The following FTO variants were observed in gnomAD, a reference collection of about 807,000 sequenced individuals.
FTO encodes FTO alpha-ketoglutarate dependent dioxygenase.
FTO carries 47 observed loss-of-function variants against 63.9 expected under a neutral mutation model. The observed-to-expected ratio is 0.74, with a 90% confidence interval of 0.58 to 0.94. The LOEUF (loss-of-function observed/expected upper bound fraction) is 0.94. Among genes scored for constraint, FTO ranks in the 40% least tolerant of loss-of-function variants. The pLI is 0.00. For synonymous variants in FTO, 207 were observed against 224.4 expected, an observed-to-expected ratio of 0.92 and a Z score of 0.69; for missense variants, 562 against 618.1, an observed-to-expected ratio of 0.91 and a Z score of 0.96.
At chr16:54,063,687 C>T (rs1383451807) in intron 8 of FTO, 3 of 143,928 alleles carry the variant, frequency 2.1e-5, no homozygotes, top group African/African-American at 8.4e-5. Flanking sequence ...CCATTTAGAA[C>T]TCTTTTCTTT....
At chr16:54,059,291 C>T (rs1222006357) in intron 8 of FTO, among the ~76,000 whole-genome samples, 1 of 152,184 alleles carries the variant, frequency 6.6e-6, no homozygotes, top group Non-Finnish European at 1.5e-5. Context: ...AATATGAAAA[C>T]AGAGCAATTT....
intron 1 of FTO, among the ~76,000 whole-genome samples, chr16:53,742,364 C>T (rs1352698120): frequency 6.6e-6 from 1 of 152,086 alleles, no homozygotes; most frequent in Non-Finnish European, 1.5e-5. Flanking sequence ...TCTGGGAAGG[C>T]AAGTTTTTTT....
intron 1 of FTO, among the ~76,000 whole-genome samples, chr16:53,742,108 G>A (rs889321362): frequency 6.6e-6 from 1 of 152,142 alleles, no homozygotes; most frequent in Non-Finnish European, 1.5e-5. Flanking sequence ...AACTTCTGCG[G>A]TATTCTGTTT....
At chr16:53,844,600 C>T (rs573662694) in intron 4 of FTO, among the ~76,000 whole-genome samples, 1 of 152,180 alleles carries the variant, frequency 6.6e-6, no homozygotes, top group South Asian at 2.1e-4. Context: ...GCTGGGATTA[C>T]AGGCACACAC....
In FTO at chr16:54,053,212, AG is replaced by A. The variant is rs141886083; in HGVS notation, c.1365-58549del. 1.8e-3 allele frequency among the ~76,000 whole-genome samples: 271 copies of A among 152,360 alleles called. 1 individual carries two copies. Among genetic ancestry groups the A allele is most frequent in the African/African-American group, 6.3e-3 (262 of 41,584 alleles). On this transcript the variant is annotated intron_variant, in intron 8 of 8. Transcript: ENST00000471389. ...AAGAGTCAGAAGCTCCTCCAGGCTT[AG>A]CCAGCTTTCACCTTTGCTCATCATA...
chr16:54,082,999 T>C (rs1384279907), intron 8 of FTO, among the ~76,000 whole-genome samples: 2 of 152,214 alleles, frequency 1.3e-5, no homozygotes, highest in Non-Finnish European at 2.9e-5. Flanking sequence ...ATTGTGATTA[T>C]GTTACAGTGG....
intron 1 of FTO, among the ~76,000 whole-genome samples, chr16:53,728,406 C>T (rs1180252250): frequency 6.6e-6 from 1 of 152,136 alleles, no homozygotes; most frequent in Non-Finnish European, 1.5e-5. Flanking sequence ...AGGCTGCCTG[C>T]CTTCCTTTTT....
At chr16:54,022,233 C>T (rs2084619583) in intron 8 of FTO, among the ~76,000 whole-genome samples, 1 of 152,140 alleles carries the variant, frequency 6.6e-6, no homozygotes, top group Non-Finnish European at 1.5e-5. Context: ...ACAGCGTCTC[C>T]TAGGTGAGCG....
rs143058066 is a variant in FTO, at chr16:53,813,463, C to T, written c.123+3246C>T. On this transcript the variant is annotated intron_variant, in intron 2 of 8. Coordinates refer to ENST00000471389, the MANE Select transcript of FTO (RefSeq NM_001080432.3). The stretch of plus-strand genomic sequence containing the variant: ...CTGACCTCACATTATCCACCTGCCT[C>T]GGCCTCCCAAAGTGCTGGGATTAGA... Among the ~76,000 whole-genome samples, 92 of 152,226 alleles carry T rather than the reference C, an allele frequency of 6.0e-4. 1 individual carries two copies. In the East Asian group the frequency reaches 0.015, roughly 25 times the overall value.
chr16:54,013,468 C>A (rs2084372161), intron 8 of FTO: 1 of 151,526 alleles, frequency 6.6e-6, no homozygotes, highest in African/African-American at 2.4e-5. Flanking sequence ...GAAGCAGTAG[C>A]AAGGTTTGAG....
intron 1 of FTO, among the ~76,000 whole-genome samples, chr16:53,729,676 C>G (rs772373027): frequency 6.6e-6 from 1 of 151,596 alleles, no homozygotes; most frequent in Non-Finnish European, 1.5e-5. Context: ...CAGCTTTCAC[C>G]CCCATAATTT....
chr16:54,025,938 G>A (rs908877628), intron 8 of FTO, among the ~76,000 whole-genome samples: 2 of 152,132 alleles, frequency 1.3e-5, no homozygotes, highest in Non-Finnish European at 2.9e-5. Flanking sequence ...GCTTGAACCC[G>A]GGAGATGGTG....
chr16:53,808,229 G>A (rs2078421967), intron 1 of FTO, among the ~76,000 whole-genome samples: 1 of 151,958 alleles, frequency 6.6e-6, no homozygotes, highest in Admixed American at 6.6e-5. Context: ...AGCTACTTGC[G>A]AGGCTGAGTT....
chr16:53,854,344 A>G (rs2151839700), intron 4 of FTO, among the ~76,000 whole-genome samples: 1 of 151,808 alleles, frequency 6.6e-6, no homozygotes, highest in South Asian at 2.1e-4. Flanking sequence ...TTTTTGTTGC[A>G]TTTGCTTTTG....
chr16:54,106,870 TATA>T (rs2086767249), intron 8 of FTO, among the ~76,000 whole-genome samples: 2 of 138,654 alleles, frequency 1.4e-5, no homozygotes, highest in South Asian at 2.2e-4. Flanking sequence ...TATATAATAA[TATA>T]ATAAATATAT....
chr16:53,710,985 A>G (rs539237599), intron 1 of FTO, among the ~76,000 whole-genome samples: 2 of 152,298 alleles, frequency 1.3e-5, no homozygotes, highest in African/African-American at 2.4e-5. Context: ...CTGAGCCTCC[A>G]TTTCCTCATC....
At chr16:53,773,928 C>T (rs976991011) in intron 1 of FTO, among the ~76,000 whole-genome samples, 1 of 152,058 alleles carries the variant, frequency 6.6e-6, no homozygotes, top group Non-Finnish European at 1.5e-5. Flanking sequence ...GAACAGTGGG[C>T]CTGCCACAAG....
At chr16:53,791,971 G>A (rs1286984452) in intron 1 of FTO, among the ~76,000 whole-genome samples, 3 of 152,018 alleles carry the variant, frequency 2.0e-5, no homozygotes, top group Non-Finnish European at 4.4e-5. Flanking sequence ...AGCTACTCGG[G>A]AGGCTGAGGC....
chr16:53,855,083 C>T (rs988560719), intron 4 of FTO, among the ~76,000 whole-genome samples: 1 of 149,698 alleles, frequency 6.7e-6, no homozygotes, highest in Non-Finnish European at 1.5e-5. Flanking sequence ...TGATTTGATT[C>T]TCAGCTTGGT....
Sources: allele counts gnomAD v4.1 joint callset (sites outside exome capture counted in the v4.1 genomes callset), GRCh38; gene constraint gnomAD v4.1.1; transcripts MANE v1.5; gene names NCBI Gene and HGNC (gene_info 2026-07-23, HGNC 2026-07-21).